Variants in SGCD observed in about 807,000 individuals in gnomAD.
The protein encoded by SGCD is delta-sarcoglycan.
In SGCD, 18 loss-of-function variants were observed where a neutral mutation model predicts 36.6. That is an observed-to-expected ratio of 0.49 (90% CI 0.34 to 0.73). The LOEUF is 0.73. Among genes scored for constraint, SGCD ranks in the 30% least tolerant of loss-of-function variants. SGCD has a pLI of 0.01. For missense variants in SGCD, 387 were observed against 346.7 expected (o/e 1.12, Z -0.92); for synonymous variants, 133 against 130.6 (o/e 1.02, Z -0.12).
chr5:156,552,375 C>T (rs139702869), intron 4 of SGCD, among the ~76,000 whole-genome samples: 1 of 152,204 alleles, frequency 6.6e-6, no homozygotes, highest in African/African-American at 2.4e-5. Context: ...TACCAGTTGG[C>T]AGTGCCTGAC....
chr5:155,818,815 T>C, the SGCD span, among the ~76,000 whole-genome samples: 6 of 152,312 alleles, frequency 3.9e-5, no homozygotes, highest in Admixed American at 3.9e-4. Flanking sequence ...GCCGCCATGC[T>C]TGGCTGGGAA....
intron 4 of SGCD, among the ~76,000 whole-genome samples, chr5:156,518,047 A>G (rs1175212477): frequency 6.6e-6 from 1 of 152,202 alleles, no homozygotes; most frequent in African/African-American, 2.4e-5. Context: ...ACAGAATAGC[A>G]AGCTGGATAG....
At position 156,058,040 on chromosome 5, in the gene SGCD, A is replaced by G. The variant is rs1213023324; in HGVS notation, c.-281-59838A>G. ...AGCATCAAGCCATTTACAATACATA[A>G]TGAAATAATCTACAGAATGACCATT... On this transcript the variant is annotated intron_variant, in intron 1 of 9. Coordinates refer to the SGCD transcript ENST00000517913. Among the ~76,000 whole-genome samples, 6 of 146,492 alleles carry G rather than the reference A, an allele frequency of 4.1e-5. 1 individual carries two copies. The highest frequency in any genetic ancestry group is 1.5e-4 in the African/African-American group (6 of 40,822).
intron 4 of SGCD, among the ~76,000 whole-genome samples, chr5:156,572,068 G>A (rs909207301): frequency 6.6e-6 from 1 of 152,192 alleles, no homozygotes; most frequent in Non-Finnish European, 1.5e-5. Context: ...CCATGCTGTA[G>A]CATGTATCAT....
chr5:155,783,897 A>G, the SGCD span, among the ~76,000 whole-genome samples: 2 of 152,172 alleles, frequency 1.3e-5, no homozygotes, highest in Non-Finnish European at 2.9e-5. Flanking sequence ...GAAAGGTTGA[A>G]CATGGAGAGA....
chr5:156,598,114 A>G (rs1453468337), intron 6 of SGCD, among the ~76,000 whole-genome samples: 1 of 152,234 alleles, frequency 6.6e-6, no homozygotes, highest in Non-Finnish European at 1.5e-5. Flanking sequence ...GCACTTCACT[A>G]CATGTAAATA....
At chr5:156,311,880 T>G (rs1767397924) in intron 3 of SGCD, among the ~76,000 whole-genome samples, 1 of 152,234 alleles carries the variant, frequency 6.6e-6, no homozygotes, top group Non-Finnish European at 1.5e-5. Flanking sequence ...GACATCATGT[T>G]AGTTATTTGA....
chr5:155,794,664 G>A, the SGCD span, among the ~76,000 whole-genome samples: 1 of 151,938 alleles, frequency 6.6e-6, no homozygotes, highest in South Asian at 2.1e-4. Context: ...AATCTCAAAT[G>A]GAAAAAGATA....
chr5:156,262,694 C>T (rs917414608), intron 3 of SGCD, among the ~76,000 whole-genome samples: 6 of 152,032 alleles, frequency 3.9e-5, no homozygotes, highest in African/African-American at 1.2e-4. Flanking sequence ...CTCCACCTAT[C>T]CTTTCCCCCA....
At chr5:156,300,644 G>A (rs901819329) in intron 3 of SGCD, among the ~76,000 whole-genome samples, 2 of 152,062 alleles carry the variant, frequency 1.3e-5, no homozygotes, top group Admixed American at 6.6e-5. Context: ...ATACAGTTCA[G>A]TTTAAGTCCA....
intron 3 of SGCD, among the ~76,000 whole-genome samples, chr5:156,201,194 T>G (rs546837900): frequency 1.3e-5 from 2 of 152,306 alleles, no homozygotes; most frequent in African/African-American, 4.8e-5. Context: ...TTAACGCTAC[T>G]GAACTGTGTA....
At chr5:156,455,221 C>A (rs1203466357) in intron 3 of SGCD, among the ~76,000 whole-genome samples, 1 of 152,126 alleles carries the variant, frequency 6.6e-6, no homozygotes, top group East Asian at 1.9e-4. Flanking sequence ...AGGAAAGCTG[C>A]CCTGCCCACA....
rs1487091713 is a variant in SGCD at position 156,764,072 on chromosome 5, C to T, written c.*4682C>T. On this transcript the variant is annotated 3_prime_UTR_variant, in exon 9 of 9. Transcript: ENST00000337851. Reference sequence around the variant, plus strand: ...TCCCCCTGTCCCAAGAAATCTTAGGCATGAAAAGGATAAGGAAACAGCTCC... The same window carrying T: ...TCCCCCTGTCCCAAGAAATCTTAGGTATGAAAAGGATAAGGAAACAGCTCC... The T allele has an allele frequency of 6.6e-6, 1 of 152,094 alleles. No individual in the cohort carries two copies. Among genetic ancestry groups the T allele is most frequent in the Non-Finnish European group, 1.5e-5 (1 of 68,004 alleles). 9.4% of individuals were successfully genotyped at this position (152,094 alleles called of 1,614,324 possible).
intron 1 of SGCD, among the ~76,000 whole-genome samples, chr5:156,115,750 A>T (rs901766518): frequency 2.0e-5 from 3 of 152,136 alleles, no homozygotes; most frequent in African/African-American, 7.2e-5. Flanking sequence ...TGTAATTTAT[A>T]CATGGAAGAC....
In SGCD at chr5:156,209,350, A is replaced by G. The variant is rs529083166; in HGVS notation, c.-44+85331A>G. Among the ~76,000 whole-genome samples, 65 of 152,272 alleles carry G rather than the reference A, an allele frequency of 4.3e-4. 1 individual carries two copies. Among genetic ancestry groups the G allele is most frequent in the Non-Finnish European group, 7.5e-4 (51 of 68,020 alleles). On this transcript the variant is annotated intron_variant, in intron 3 of 9. Coordinates refer to the SGCD transcript ENST00000517913. ...CTTCCATAGCTCTAGTCATCAGGCT[A>G]GCTATTATGGATACAGGCTTGATGC...
rs574039197 is a variant in SGCD, at chr5:156,285,998, CA to C, written c.-43-43530del. Among the ~76,000 whole-genome samples, 67 of 152,152 alleles carry C rather than the reference CA, an allele frequency of 4.4e-4. 1 individual carries two copies. The South Asian group carries it at 0.014, about 31-fold the overall frequency. On this transcript the variant is annotated intron_variant, in intron 3 of 9. Transcript: ENST00000517913. ...ACAAGAAAAAAACGAACAACCCTAT[CA>C]AAAAATGGGTGAAGGATATGAACAG...
At chr5:156,716,255 G>T (rs1755218182) in intron 7 of SGCD, among the ~76,000 whole-genome samples, 1 of 152,154 alleles carries the variant, frequency 6.6e-6, no homozygotes, top group South Asian at 2.1e-4. Flanking sequence ...GCTTACCCTT[G>T]TCAGTTTAAC....
At chr5:156,499,023 C>G (rs752090141) in intron 3 of SGCD, among the ~76,000 whole-genome samples, 37 of 144,380 alleles carry the variant, frequency 2.6e-4, no homozygotes, top group Non-Finnish European at 5.1e-4. Flanking sequence ...ATCTGCAACT[C>G]TTCTTGCCTT....
intron 3 of SGCD, among the ~76,000 whole-genome samples, chr5:156,498,457 A>T (rs1207707216): frequency 6.6e-6 from 1 of 152,140 alleles, no homozygotes; most frequent in Non-Finnish European, 1.5e-5. Flanking sequence ...CTAGACAACC[A>T]CTAATCTACT....
Sources: gnomAD v4.1 joint callset for allele counts (sites outside exome capture counted in the v4.1 genomes callset) on GRCh38, gnomAD v4.1.1 for gene constraint, MANE v1.5 for transcripts, NCBI Gene and HGNC (gene_info 2026-07-23, HGNC 2026-07-21) for gene names.